CTNNA2: variants seen among roughly 807,000 people sequenced by gnomAD.
The protein encoded by CTNNA2 is catenin alpha-2.
A neutral mutation model predicts 101.0 loss-of-function variants in CTNNA2; 42 were observed. That is an observed-to-expected ratio of 0.42 (90% CI 0.32 to 0.54). CTNNA2 has a LOEUF of 0.54. CTNNA2 is among the 20% of genes least tolerant of loss of function. CTNNA2 has a pLI of 0.14. For missense variants in CTNNA2, 871 were observed against 1,223.1 expected, an observed-to-expected ratio of 0.71 and a Z score of 4.29; for synonymous variants, 450 against 456.4, an observed-to-expected ratio of 0.99 and a Z score of 0.18.
chr2:80,040,227 T>C (rs777590795), intron 7 of CTNNA2, among the ~76,000 whole-genome samples: 10 of 152,204 alleles, frequency 6.6e-5, no homozygotes, highest in Non-Finnish European at 1.2e-4. Context: ...TTTTGTATTA[T>C]TTATAAGCAA....
intron 15 of CTNNA2, among the ~76,000 whole-genome samples, chr2:80,602,799 G>A (rs966633730): frequency 7.9e-5 from 12 of 151,916 alleles, no homozygotes; most frequent in African/African-American, 2.7e-4. Flanking sequence ...AAGAGTTAAC[G>A]TCACTACAAC....
intron 3 of CTNNA2, among the ~76,000 whole-genome samples, chr2:79,333,203 T>C (rs1212276770): frequency 6.6e-6 from 1 of 152,140 alleles, no homozygotes; most frequent in Non-Finnish European, 1.5e-5. Flanking sequence ...AGCAACACCA[T>C]CTACACATAA....
chr2:80,085,264 C>A (rs1257668785), intron 7 of CTNNA2, among the ~76,000 whole-genome samples: 4 of 152,060 alleles, frequency 2.6e-5, no homozygotes, highest in African/African-American at 4.8e-5. Context: ...CATGTTCCTG[C>A]AATCAGTGGG....
chr2:79,882,865 T>C (rs72809779), intron 6 of CTNNA2, among the ~76,000 whole-genome samples: 9,340 of 152,268 alleles, frequency 0.061, 322 homozygotes, highest in Non-Finnish European at 0.079. Flanking sequence ...GATCCGTGGG[T>C]TGCACATTTC....
chr2:79,849,578 G>A (rs983559805), intron 3 of CTNNA2, among the ~76,000 whole-genome samples: 3 of 152,106 alleles, frequency 2.0e-5, no homozygotes, highest in African/African-American at 7.2e-5. Flanking sequence ...TGAAATGCAT[G>A]TATAGCTCTC....
chr2:80,076,666 G>C lies in CTNNA2; in HGVS notation c.1056+166869G>C, dbSNP rs184810552. ...CTCTCACTCATTACTTCTGACTTGG[G>C]TCCTGTTCATACTGCATCTTGCTAA... On this transcript the variant is annotated intron_variant, in intron 7 of 18. Transcript: ENST00000402739. 2.3e-3 allele frequency among the ~76,000 whole-genome samples: 355 copies of C among 151,786 alleles called. 3 individuals carry two copies. The highest frequency in any genetic ancestry group is 4.4e-3 in the Non-Finnish European group (297 of 67,942).
intron 7 of CTNNA2, among the ~76,000 whole-genome samples, chr2:80,374,429 T>C (rs1189502606): frequency 1.3e-5 from 2 of 152,206 alleles, no homozygotes; most frequent in Admixed American, 6.5e-5. Context: ...ATGGTGTATA[T>C]GTAACACATC....
chr2:79,988,764 G>GA (rs1350337407), intron 7 of CTNNA2, among the ~76,000 whole-genome samples: 1 of 152,130 alleles, frequency 6.6e-6, no homozygotes, highest in Non-Finnish European at 1.5e-5. Context: ...TCTAAGGAAT[G>GA]AAAAATCAGT....
chr2:80,041,357 A>G (rs1696041669), intron 7 of CTNNA2, among the ~76,000 whole-genome samples: 1 of 151,998 alleles, frequency 6.6e-6, no homozygotes, highest in African/African-American at 2.4e-5. Context: ...AATATTTGCT[A>G]TTCTTAACGT....
intron 3 of CTNNA2, among the ~76,000 whole-genome samples, chr2:79,822,644 C>G (rs138821666): frequency 6.6e-6 from 1 of 152,128 alleles, no homozygotes; most frequent in Admixed American, 6.5e-5. Flanking sequence ...ACCTCCAATT[C>G]CAAATCCCTA....
chr2:80,471,264 T>C (rs1288047622), intron 9 of CTNNA2, among the ~76,000 whole-genome samples: 2 of 152,222 alleles, frequency 1.3e-5, no homozygotes, highest in Non-Finnish European at 2.9e-5. Context: ...ATTGTTCTTA[T>C]CCATGAGAAA....
intron 3 of CTNNA2, among the ~76,000 whole-genome samples, chr2:79,769,134 C>T (rs1673391776): frequency 6.6e-6 from 1 of 152,160 alleles, no homozygotes; most frequent in Admixed American, 6.5e-5. Flanking sequence ...GGATTACAGG[C>T]ATGAGCCACT....
At chr2:79,944,960 G>A (rs1688398483) in intron 7 of CTNNA2, among the ~76,000 whole-genome samples, 2 of 152,124 alleles carry the variant, frequency 1.3e-5, no homozygotes, top group Non-Finnish European at 2.9e-5. Flanking sequence ...GCCATTCTCA[G>A]AAGGGCAAAA....
At chr2:79,703,276 T>A (rs1467232482) in intron 2 of CTNNA2, among the ~76,000 whole-genome samples, 5 of 152,244 alleles carry the variant, frequency 3.3e-5, no homozygotes, top group Non-Finnish European at 5.9e-5. Flanking sequence ...TTCAAAAATC[T>A]ATTACTTGAC....
intron 4 of CTNNA2, among the ~76,000 whole-genome samples, chr2:79,864,290 A>C (rs13021973): frequency 0.22 from 33,339 of 152,002 alleles, 4,123 homozygotes; most frequent in East Asian, 0.58. Flanking sequence ...CCAAGGAAAG[A>C]ACAAAGGCAT....
intron 7 of CTNNA2, among the ~76,000 whole-genome samples, chr2:80,159,023 T>C (rs1051310019): frequency 2.0e-5 from 3 of 152,212 alleles, no homozygotes; most frequent in Non-Finnish European, 4.4e-5. Context: ...GGTTGTTCAG[T>C]TGGACCATTC....
At chr2:79,967,840 G>A (rs575175265) in intron 7 of CTNNA2, among the ~76,000 whole-genome samples, 7 of 152,222 alleles carry the variant, frequency 4.6e-5, no homozygotes, top group Non-Finnish European at 7.4e-5. Context: ...ACAGATGATT[G>A]GATAAAAAAT....
intron 7 of CTNNA2, among the ~76,000 whole-genome samples, chr2:80,255,552 G>A (rs1045643419): frequency 6.6e-6 from 1 of 152,124 alleles, no homozygotes; most frequent in African/African-American, 2.4e-5. Context: ...GGAGATAAAT[G>A]ACTAACTTGT....
intron 7 of CTNNA2, among the ~76,000 whole-genome samples, chr2:79,992,139 A>G (rs527890167): frequency 6.6e-6 from 1 of 152,324 alleles, no homozygotes; most frequent in Admixed American, 6.5e-5. Context: ...TTTATCTTTC[A>G]GAGAATATTA....
Sources: allele counts gnomAD v4.1 joint callset (sites outside exome capture counted in the v4.1 genomes callset), GRCh38; gene constraint gnomAD v4.1.1; transcripts MANE v1.5; gene names NCBI Gene and HGNC (gene_info 2026-07-23, HGNC 2026-07-21).